The following DNAJA4 variants were observed in gnomAD, a reference collection of about 807,000 sequenced individuals.
DNAJA4 encodes the protein DnaJ heat shock protein family (Hsp40) member A4.
Under a neutral mutation model 39.7 loss-of-function variants are expected in DNAJA4, and 32 were observed. The ratio of observed to expected loss-of-function variants is 0.81; its 90% CI spans 0.61 to 1.08. The LOEUF (loss-of-function observed/expected upper bound fraction) is 1.08. DNAJA4 is among the 50% of genes least tolerant of loss of function. The pLI is 0.00. For missense variants in DNAJA4, 439 were observed against 505.1 expected (o/e 0.87, Z 1.25); for synonymous variants, 184 against 182.4 (o/e 1.01, Z -0.07).
At chr15:78,272,727 G>A (rs559838282) in intron 2 of DNAJA4, among the ~76,000 whole-genome samples, 1 of 152,346 alleles carries the variant, frequency 6.6e-6, no homozygotes, top group Admixed American at 6.5e-5. Context: ...TGTATAGAAA[G>A]GACTCCTTTC....
chr15:78,268,891 G>A (rs186748323), intron 1 of DNAJA4, among the ~76,000 whole-genome samples: 32 of 152,334 alleles, frequency 2.1e-4, no homozygotes, highest in East Asian at 1.9e-3. Context: ...GGAGAAATAT[G>A]CAGCAGTTGT....
rs541997176 is a variant in DNAJA4 at position 78,279,986 on chromosome 15, G to C, written c.878-59G>C. 3.4e-5 allele frequency: 52 copies of C among 1,550,418 alleles called. No individual in the cohort carries two copies. The highest frequency in any genetic ancestry group is 4.5e-5 in the Non-Finnish European group (51 of 1,128,084). ...CTGCCGCAGGCTCTCCCATGAGGGA[G>C]AACGACCTCTGCAGGCCCCTCTGCC... On this transcript the variant is annotated intron_variant, in intron 5 of 6. Transcript: ENST00000394852. This position sits in a 1 kb window ranked among gnomAD's most constrained non-coding sequence, Gnocchi z 4.5.
chr15:78,270,651 G>A lies in DNAJA4; in HGVS notation c.287G>A (p.Gly96Asp), dbSNP rs1567116331. Reference sequence around the variant, plus strand: ...ATCTTTGACATGTTCTTTGGTGGTGGTGGACGGATGGCTAGAGAGAGAAGA... The same window carrying A: ...ATCTTTGACATGTTCTTTGGTGGTGATGGACGGATGGCTAGAGAGAGAAGA... ...MDIFDMFFGG[G>D]GRMARERRGK... Residue 96 changes from glycine (G) to aspartate (D), a missense_variant, in exon 2 of 7, where the codon GGT becomes GAT. Gly to Asp is a moderately conservative substitution (Grantham distance 94, BLOSUM62 -1). Transcript: ENST00000394852. 11 of 1,614,020 alleles carry A rather than the reference G, an allele frequency of 6.8e-6. No individual in the cohort carries two copies. Among genetic ancestry groups the A allele is most frequent in the Non-Finnish European group, 9.3e-6 (11 of 1,179,990 alleles).
chr15:78,268,522 A>C (rs1050760473), intron 1 of DNAJA4, among the ~76,000 whole-genome samples: 3 of 152,198 alleles, frequency 2.0e-5, no homozygotes, highest in African/African-American at 7.2e-5. Context: ...TTAATGCCTC[A>C]AATTCCCTTG....
chr15:78,270,447 C>A, intron 1 of DNAJA4, 50 bp from the exon 2 acceptor site: 1 of 1,577,806 alleles, frequency 6.3e-7, no homozygotes. Context: ...GTTTGCTTAA[C>A]AAAACAACTG....
At position 78,266,252 on chromosome 15, in the gene DNAJA4, A is replaced by G. The variant is rs1280835075; in HGVS notation, c.132+1357A>G. On this transcript the variant is annotated intron_variant, in intron 1 of 6. Transcript: ENST00000394852. ...CAAGCTGGCTAAAGACATGTGGGAAAGCCTGACCCTGGATTCAGGTCAAAT... is the reference window on the plus strand; with the variant it reads ...CAAGCTGGCTAAAGACATGTGGGAAGGCCTGACCCTGGATTCAGGTCAAAT... 3.7e-6 allele frequency: 6 copies of G among 1,614,036 alleles called. No individual in the cohort carries two copies. The East Asian group carries it at 1.3e-4, about 36-fold the overall frequency.
intron 1 of DNAJA4, among the ~76,000 whole-genome samples, chr15:78,269,683 T>A (rs2049240444): frequency 6.6e-6 from 1 of 152,088 alleles, no homozygotes; most frequent in African/African-American, 2.4e-5. Context: ...CTCCCATTGT[T>A]CCAATAATGT....
rs144693168 is a variant in DNAJA4, at chr15:78,264,819, C to G, written c.56C>G (p.Pro19Arg). 7 of 1,610,892 alleles carry G rather than the reference C, an allele frequency of 4.3e-6. No homozygotes were observed. The highest frequency in any genetic ancestry group is 2.7e-5 in the African/African-American group (2 of 74,694). Residue 19 changes from proline to arginine, a missense_variant, in exon 1 of 7, where the codon CCG becomes CGG. Coordinates refer to ENST00000394852, the MANE Select transcript of DNAJA4 (RefSeq NM_001130182.2). ...CTGGGCGTGAAGCCCAGCGCGTCCC[C>G]GGAGGAGATCAAGAAGGCCTATCGG... Reference protein sequence around the residue: ...DILGVKPSASPEEIKKAYRKL... With the variant: ...DILGVKPSASREEIKKAYRKL...
At chr15:78,264,247 C>CGGGGCGGCG, upstream of DNAJA4, 1 of 1,121,370 alleles carries the variant, frequency 8.9e-7, no homozygotes. Flanking sequence ...AGGGGGCGGC[C>CGGGGCGGCG]TCGGGGCGGC....
intron 5 of DNAJA4, among the ~76,000 whole-genome samples, chr15:78,276,143 C>G (rs1163046992): frequency 6.6e-6 from 1 of 152,128 alleles, no homozygotes; most frequent in Admixed American, 6.5e-5. Context: ...GGCAATTAAA[C>G]TTAAGTTTTT....
chr15:78,280,676 T>G lies in DNAJA4; in HGVS notation c.*216T>G. On this transcript the variant is annotated 3_prime_UTR_variant, in exon 7 of 7. Transcript: ENST00000394852. ...AAATGTTTTAAGTATAAATCACCTC[T>G]AGTCTGCATATGGAATCTGTTCATT... 1 of 517,172 alleles carries G rather than the reference T, an allele frequency of 1.9e-6. No individual in the cohort carries two copies. Among genetic ancestry groups the G allele is most frequent in the South Asian group, 2.8e-5 (1 of 35,598 alleles). 32.0% of individuals were successfully genotyped at this position (517,172 alleles called of 1,614,324 possible).
intron 1 of DNAJA4, among the ~76,000 whole-genome samples, chr15:78,268,410 G>C (rs1363233509): frequency 6.6e-6 from 1 of 152,174 alleles, no homozygotes; most frequent in East Asian, 1.9e-4. Flanking sequence ...TGATGCTGAT[G>C]TCTTTTTAAG....
upstream of DNAJA4, chr15:78,264,418 G>A (rs893221630): frequency 4.4e-6 from 6 of 1,360,856 alleles, no homozygotes; most frequent in East Asian, 6.2e-5. Context: ...CGCGCCGGAC[G>A]GGCGTCGGGG....
rs147454091 is a variant in DNAJA4, at chr15:78,278,948, C to T, written c.878-1097C>T. Among the ~76,000 whole-genome samples the T allele has an allele frequency of 6.1e-5, 9 of 148,100 alleles. No homozygotes were observed. In the East Asian group the frequency reaches 1.6e-3, roughly 27 times the overall value. ...CCTCCCAAAGTGCTGGGATTACAGG[C>T]GTGAGCCACCGTGCCTGGCCATGAC... On this transcript the variant is annotated intron_variant, in intron 5 of 6. Coordinates refer to ENST00000394852, the MANE Select transcript of DNAJA4 (RefSeq NM_001130182.2).
chr15:78,264,230 A>G (rs955654479), upstream of DNAJA4: 107 of 1,034,266 alleles, frequency 1.0e-4, 1 homozygote, highest in Middle Eastern at 6.6e-4. Context: ...GGACCCACGG[A>G]AGGGCAAGGG....
In DNAJA4 at chr15:78,279,651, G is replaced by A. The variant is rs1245900409; in HGVS notation, c.878-394G>A. On this transcript the variant is annotated intron_variant, in intron 5 of 6. Coordinates refer to ENST00000394852, the MANE Select transcript of DNAJA4 (RefSeq NM_001130182.2). The surrounding 1 kb of genome is among the most constrained non-coding windows in gnomAD (Gnocchi z 4.5). ...ACTCTATTGAGGCTTCTTCCTGTCTGTGGGGAGCACTCCTGTCCCCCTCGT... is the reference window on the plus strand; with the variant it reads ...ACTCTATTGAGGCTTCTTCCTGTCTATGGGGAGCACTCCTGTCCCCCTCGT... The A allele has an allele frequency of 4.8e-6, 1 of 209,626 alleles. No individual in the cohort carries two copies. Among genetic ancestry groups the A allele is most frequent in the Non-Finnish European group, 9.7e-6 (1 of 103,312 alleles). 13.0% of individuals were successfully genotyped at this position (209,626 alleles called of 1,614,324 possible). A position where few individuals can be genotyped will look rare whatever the true frequency, so the allele number is the denominator to read the frequency against.
intron 5 of DNAJA4, 75 bp downstream of exon 5, chr15:78,275,803 T>C: frequency 9.8e-7 from 1 of 1,017,014 alleles, no homozygotes; most frequent in South Asian, 1.6e-5. Context: ...AGCCTGATTT[T>C]TTTATTGCTA....
intron 4 of DNAJA4, chr15:78,275,165 A>G (rs1187507973): frequency 6.2e-6 from 2 of 321,244 alleles, no homozygotes; most frequent in East Asian, 1.2e-4. Context: ...GTCCCAAGTC[A>G]TGCACCCTGT....
In DNAJA4 at chr15:78,275,543, A is replaced by G. The variant is rs1212569311; in HGVS notation, c.692A>G (p.Gln231Arg). The G allele has an allele frequency of 1.2e-6, 2 of 1,614,222 alleles. No homozygotes were observed. The highest frequency in any genetic ancestry group is 1.7e-6 in the Non-Finnish European group (2 of 1,180,026). The change falls in exon 5 of 7, where the codon CAG becomes CGG. Residue 231 changes from glutamine (Q) to arginine (R), a missense_variant. Coordinates refer to ENST00000394852, the MANE Select transcript of DNAJA4 (RefSeq NM_001130182.2). ...ATACTATTTCATGGAGAAGGAGATC[A>G]GGAGCCTGAGCTGGAGCCTGGTGAT... ...QKILFHGEGD[Q>R]EPELEPGDVI...
Sources: gnomAD v4.1 joint callset for allele counts (sites outside exome capture counted in the v4.1 genomes callset) on GRCh38, gnomAD v4.1.1 for gene constraint, Gnocchi (gnomAD v3.1) non-coding constraint, MANE v1.5 for transcripts, NCBI Gene and HGNC (gene_info 2026-07-23, HGNC 2026-07-21) for gene names.